Variants in DCDC1 observed in about 807,000 individuals in gnomAD.
DCDC1 encodes doublecortin domain-containing protein 1.
A neutral mutation model predicts 178.3 loss-of-function variants in DCDC1; 200 were observed. The ratio of observed to expected loss-of-function variants is 1.12; its 90% CI spans 1.00 to 1.26. The LOEUF (loss-of-function observed/expected upper bound fraction) is 1.26. Ranked by LOEUF, DCDC1 falls within the 50% of genes most tolerant of loss-of-function variation. DCDC1 has a pLI of 0.00. For missense variants in DCDC1, 1,983 were observed against 1,749.2 expected (o/e 1.13, Z -2.38); for synonymous variants, 690 against 604.8 (o/e 1.14, Z -2.07).
intron 9 of DCDC1, among the ~76,000 whole-genome samples, chr11:31,198,924 T>C (rs1331123866): frequency 6.6e-6 from 1 of 151,528 alleles, no homozygotes; most frequent in Non-Finnish European, 1.5e-5. Context: ...AAGAAATGAG[T>C]GAAAAAAAAT....
At chr11:31,136,011 G>A (rs1963087547) in intron 10 of DCDC1, among the ~76,000 whole-genome samples, 1 of 151,950 alleles carries the variant, frequency 6.6e-6, no homozygotes, top group Non-Finnish European at 1.5e-5. Flanking sequence ...ATGTTTAAAA[G>A]GAAAATAATC....
intron 1 of DCDC1, among the ~76,000 whole-genome samples, chr11:31,336,974 T>G (rs1950305142): frequency 6.6e-6 from 1 of 152,216 alleles, no homozygotes; most frequent in South Asian, 2.1e-4. Context: ...AGTCTGAACC[T>G]CTGACAACAT....
chr11:31,250,189 A>G (rs1943878591), intron 8 of DCDC1, among the ~76,000 whole-genome samples: 1 of 151,716 alleles, frequency 6.6e-6, no homozygotes, highest in African/African-American at 2.4e-5. Flanking sequence ...AGAACATGTA[A>G]TGTTTACAAA....
chr11:31,302,728 C>T (rs1948196080), intron 6 of DCDC1, among the ~76,000 whole-genome samples: 1 of 152,078 alleles, frequency 6.6e-6, no homozygotes. Context: ...CTATTAGATC[C>T]AATGCCACTG....
rs755084457 is a variant in DCDC1 at position 31,127,469 on chromosome 11, C to T, written c.1485G>A (p.Lys495=). The change falls in exon 11 of 39, where the codon AAG becomes AAA. Residue 495 remains lysine, a splice_region_variant and synonymous_variant. Transcript: ENST00000684477. ...NTLVPGGLQL[K]VFENGKNTGE... ...ATGAGAGGCACAGAACGACACCCAC[C>T]TTAAGCTGCAGGCCTCCTGGGACAA... is the stretch of plus-strand genomic sequence containing the variant. 1.3e-5 allele frequency: 9 copies of T among 702,166 alleles called. No individual in the cohort carries two copies. Among genetic ancestry groups the T allele is most frequent in the Middle Eastern group, 4.6e-4 (2 of 4,354 alleles). 43.5% of individuals were successfully genotyped at this position (702,166 alleles called of 1,614,324 possible). A position where few individuals can be genotyped will look rare whatever the true frequency, so the allele number is the denominator to read the frequency against.
intron 20 of DCDC1, among the ~76,000 whole-genome samples, chr11:30,976,022 A>G (rs1212067535): frequency 1.3e-5 from 2 of 152,176 alleles, no homozygotes; most frequent in East Asian, 3.8e-4. Flanking sequence ...AAATGGACCA[A>G]TGAAGCAGAA....
intron 20 of DCDC1, among the ~76,000 whole-genome samples, chr11:31,057,993 G>C (rs915774162): frequency 6.6e-6 from 1 of 152,036 alleles, no homozygotes; most frequent in South Asian, 2.1e-4. Context: ...AGCTCTGTGA[G>C]GCCAGAAAGT....
chr11:31,289,598 C>A (rs1322615637), intron 7 of DCDC1, among the ~76,000 whole-genome samples: 1 of 151,982 alleles, frequency 6.6e-6, no homozygotes, highest in Non-Finnish European at 1.5e-5. Flanking sequence ...TATAGTATAA[C>A]AAAATTATCT....
intron 20 of DCDC1, among the ~76,000 whole-genome samples, chr11:30,969,021 A>G (rs10767884): frequency 0.47 from 71,994 of 151,586 alleles, 18,494 homozygotes; most frequent in Middle Eastern, 0.6. Context: ...AAATTCCATC[A>G]TTGCCAATAA....
At chr11:30,915,223 C>T (rs773478779) in intron 27 of DCDC1, among the ~76,000 whole-genome samples, 1 of 152,126 alleles carries the variant, frequency 6.6e-6, no homozygotes, top group Admixed American at 6.5e-5. Flanking sequence ...GACATTGATG[C>T]AAGTTCAGTC....
chr11:31,111,209 T>C (rs1355925442), intron 11 of DCDC1, among the ~76,000 whole-genome samples: 1 of 152,052 alleles, frequency 6.6e-6, no homozygotes, highest in Non-Finnish European at 1.5e-5. Context: ...CTCTCTGATA[T>C]GCCCATCACA....
At chr11:31,142,616 C>T (rs1282457918) in intron 9 of DCDC1, among the ~76,000 whole-genome samples, 2 of 152,058 alleles carry the variant, frequency 1.3e-5, no homozygotes, top group Admixed American at 6.6e-5. Flanking sequence ...ATGTGCTCAA[C>T]ATTTGTGATA....
chr11:30,903,551 C>A lies in DCDC1; in HGVS notation c.4441G>T (p.Asp1481Tyr). Residue 1481 changes from aspartate (D) to tyrosine (Y), a missense_variant, in exon 32 of 39, where the codon GAC becomes TAC. Transcript: ENST00000684477. ...GCATCTTGCTTTTGTTTCTCAGAGTCTCTCTGGAGAAAGGATTCATCTAGA... is the reference window on the plus strand; with the variant it reads ...GCATCTTGCTTTTGTTTCTCAGAGTATCTCTGGAGAAAGGATTCATCTAGA... ...WALDESFLQR[D>Y]SEKQKQDAAP... 1 of 1,607,588 alleles carries A rather than the reference C, an allele frequency of 6.2e-7. No individual in the cohort carries two copies. Among genetic ancestry groups the A allele is most frequent in the East Asian group, 2.2e-5 (1 of 44,770 alleles).
chr11:31,115,096 CAT>C (rs1959679371), intron 11 of DCDC1, among the ~76,000 whole-genome samples: 2 of 152,064 alleles, frequency 1.3e-5, no homozygotes, highest in Admixed American at 6.6e-5. Context: ...TTTGTGAAGG[CAT>C]AAAAATGTCA....
intron 25 of DCDC1, among the ~76,000 whole-genome samples, chr11:30,919,539 G>C (rs933714986): frequency 6.6e-6 from 1 of 152,110 alleles, no homozygotes; most frequent in African/African-American, 2.4e-5. Context: ...CAGACTAAGA[G>C]GCTAGATGAC....
chr11:31,053,382 G>T (rs903504326), intron 20 of DCDC1, among the ~76,000 whole-genome samples: 1 of 152,078 alleles, frequency 6.6e-6, no homozygotes, highest in Non-Finnish European at 1.5e-5. Flanking sequence ...CGGATTCACA[G>T]CAGAATTCCA....
At position 31,103,794 on chromosome 11, in the gene DCDC1, A is replaced by G. The variant is rs770072427; in HGVS notation, c.1752-25T>C. On this transcript the variant is annotated intron_variant, in intron 13 of 38. Transcript: ENST00000684477. ...TCTGAAAAACGGATAAAACATCAAA[A>G]CTATCTTCAAAATTAGACATACATT... The G allele has an allele frequency of 5.3e-6, 4 of 757,276 alleles. No individual in the cohort carries two copies. In the East Asian group the frequency reaches 9.7e-5, roughly 18 times the overall value. The allele number at this position is 757,276 out of a possible 1,614,324, so 46.9% of individuals were successfully genotyped here.
chr11:31,364,627 T>C (rs1241518006), intron 1 of DCDC1, among the ~76,000 whole-genome samples: 1 of 152,208 alleles, frequency 6.6e-6, no homozygotes, highest in Non-Finnish European at 1.5e-5. Flanking sequence ...AATATTTACC[T>C]CTTCCTCTTT....
At chr11:31,261,496 T>A (rs905776960) in intron 8 of DCDC1, among the ~76,000 whole-genome samples, 11 of 152,188 alleles carry the variant, frequency 7.2e-5, no homozygotes, top group Non-Finnish European at 1.3e-4. Flanking sequence ...AAAATAATAA[T>A]AACAATACAG....
Sources: gnomAD v4.1 joint callset for allele counts (sites outside exome capture counted in the v4.1 genomes callset) on GRCh38, gnomAD v4.1.1 for gene constraint, MANE v1.5 for transcripts, NCBI Gene and HGNC (gene_info 2026-07-23, HGNC 2026-07-21) for gene names.